Variants in AGAP1 observed in about 807,000 individuals in gnomAD.
The protein encoded by AGAP1 is arf-GAP with GTPase, ANK repeat and PH domain-containing protein 1.
Under a neutral mutation model 105.3 loss-of-function variants are expected in AGAP1, and 29 were observed. That is an observed-to-expected ratio of 0.28 (90% confidence interval 0.21 to 0.38). AGAP1 has a LOEUF of 0.38. AGAP1 is among the 10% of genes least tolerant of loss of function. The pLI, the probability that AGAP1 is intolerant of heterozygous loss-of-function variation, is 1.00. For synonymous variants in AGAP1, 509 were observed against 485.9 expected, an observed-to-expected ratio of 1.05 and a Z score of -0.63; for missense variants, 998 against 1,165.1, an observed-to-expected ratio of 0.86 and a Z score of 2.09.
intron 13 of AGAP1, among the ~76,000 whole-genome samples, chr2:236,025,754 A>C (rs1327136580): frequency 6.6e-6 from 1 of 151,962 alleles, no homozygotes; most frequent in Non-Finnish European, 1.5e-5. Context: ...AAAAAAGGAG[A>C]CGCTGGGCGT....
intron 10 of AGAP1, among the ~76,000 whole-genome samples, chr2:235,902,880 G>C (rs1057151973): frequency 1.3e-5 from 2 of 152,130 alleles, no homozygotes; most frequent in Admixed American, 1.3e-4. Flanking sequence ...TTTAAAAATC[G>C]GTAGCACTTC....
At position 235,936,467 on chromosome 2, in the gene AGAP1, G is replaced by A. The variant is rs542249448; in HGVS notation, c.1483+5544G>A. ...TTCTCATTATAAAAATGTTTTGCACGTCGATTTTGATGATGGGGGTTCGAA... is the reference window on the plus strand; with the variant it reads ...TTCTCATTATAAAAATGTTTTGCACATCGATTTTGATGATGGGGGTTCGAA... On this transcript the variant is annotated intron_variant, in intron 12 of 17. Coordinates refer to ENST00000304032, the MANE Select transcript of AGAP1 (RefSeq NM_001037131.3). This position sits in a 1 kb window ranked among gnomAD's most constrained non-coding sequence, Gnocchi z 4.7. Among the ~76,000 whole-genome samples, 13 of 152,244 alleles carry A rather than the reference G, an allele frequency of 8.5e-5. No homozygotes were observed. The South Asian group carries it at 1.7e-3, about 19-fold the overall frequency.
chr2:235,994,556 G>T lies in AGAP1; in HGVS notation c.1645+25933G>T, dbSNP rs1471764761. On this transcript the variant is annotated intron_variant, in intron 13 of 17. Transcript: ENST00000304032. The surrounding 1 kb of genome is among the most constrained non-coding windows in gnomAD (Gnocchi z 4.4). ...CGTCATAGTGGGGACACACTGAGAG[G>T]TTACTTTCTACCAAACTGTTTCCTA... Among the ~76,000 whole-genome samples, 1 of 152,066 alleles carries T rather than the reference G, an allele frequency of 6.6e-6. No homozygotes were observed. Among genetic ancestry groups the T allele is most frequent in the Non-Finnish European group, 1.5e-5 (1 of 68,002 alleles).
chr2:235,713,068 G>A (rs1030135262), intron 2 of AGAP1, among the ~76,000 whole-genome samples: 3 of 152,208 alleles, frequency 2.0e-5, no homozygotes, highest in Non-Finnish European at 4.4e-5. Context: ...GAACTTAGGG[G>A]AGAGCTTAAT....
rs1957392042 is a variant in AGAP1, at chr2:235,799,466, G to A, written c.901G>A (p.Ala301Thr). 3.1e-6 allele frequency: 5 copies of A among 1,614,038 alleles called. No individual in the cohort carries two copies. The highest frequency in any genetic ancestry group is 2.5e-6 in the Non-Finnish European group (3 of 1,180,034). ...KELRIDVPPTANTPTPVRKQS... is the reference protein window; with the variant it reads ...KELRIDVPPTTNTPTPVRKQS... ...ACTTCGGATCGATGTTCCTCCCACTGCCAACACGCCCACGCCCGTTCGCAA... is the reference window on the plus strand; with the variant it reads ...ACTTCGGATCGATGTTCCTCCCACTACCAACACGCCCACGCCCGTTCGCAA... Residue 301 changes from alanine to threonine, a missense_variant, in exon 8 of 18, where the codon GCC becomes ACC. This residue lies in a region of AGAP1 where 735 missense variants were observed against 833.4 expected (regional missense o/e 0.88). Transcript: ENST00000304032. This position sits in a 1 kb window ranked among gnomAD's most constrained non-coding sequence, Gnocchi z 5.0.
At chr2:235,672,429 T>C (rs548327173) in intron 1 of AGAP1, among the ~76,000 whole-genome samples, 7 of 152,386 alleles carry the variant, frequency 4.6e-5, no homozygotes, top group South Asian at 2.1e-4. Context: ...GCCACACTTA[T>C]GTTTAGCTTG....
In AGAP1 at chr2:236,036,810, G is replaced by A. The variant is rs867017293; in HGVS notation, c.1800+95G>A. ...CCAGGGAGGAGAAAATAGAGGACCA[G>A]TGTGAATGACAGGACCTAGCTATTC... is the stretch of plus-strand genomic sequence containing the variant. On this transcript the variant is annotated intron_variant, in intron 14 of 17. Transcript: ENST00000304032. The surrounding 1 kb of genome is among the most constrained non-coding windows in gnomAD (Gnocchi z 5.7). 2.0e-6 allele frequency: 3 copies of A among 1,531,172 alleles called. No individual in the cohort carries two copies. Among genetic ancestry groups the A allele is most frequent in the Non-Finnish European group, 1.7e-6 (2 of 1,142,900 alleles). 94.8% of individuals were successfully genotyped at this position (1,531,172 alleles called of 1,614,324 possible).
At chr2:235,804,401 C>T (rs1244030725) in intron 8 of AGAP1, among the ~76,000 whole-genome samples, 5 of 152,164 alleles carry the variant, frequency 3.3e-5, no homozygotes, top group Admixed American at 3.3e-4. Flanking sequence ...AGAAACTTGC[C>T]ATAAAAAAAT....
intron 1 of AGAP1, among the ~76,000 whole-genome samples, chr2:235,575,602 G>T (rs1031675484): frequency 2.6e-5 from 4 of 152,238 alleles, no homozygotes; most frequent in African/African-American, 9.6e-5. Flanking sequence ...GGGTGGCCAG[G>T]TGTTTGACAC....
rs1170095677 is a variant in AGAP1 at position 235,814,049 on chromosome 2, C to T, written c.1050+6718C>T. On this transcript the variant is annotated intron_variant, in intron 9 of 17. Transcript: ENST00000304032. ...TCTTCTGCCGGTGTGCTTCTCTCGA[C>T]GCCCAGCCGCCTGTGTGTGTGCCCA... 4.6e-5 allele frequency among the ~76,000 whole-genome samples: 7 copies of T among 152,170 alleles called. No individual in the cohort carries two copies. The South Asian group carries it at 6.2e-4, about 14-fold the overall frequency.
chr2:235,795,468 GCTC>G (rs1225576243), intron 6 of AGAP1, among the ~76,000 whole-genome samples: 6 of 152,086 alleles, frequency 3.9e-5, no homozygotes, highest in African/African-American at 1.4e-4. Context: ...TCATGCTCCC[GCTC>G]CTCCTCCTGA....
At chr2:236,065,621 G>A (rs556002807) in intron 16 of AGAP1, among the ~76,000 whole-genome samples, 3 of 152,332 alleles carry the variant, frequency 2.0e-5, no homozygotes, top group South Asian at 4.1e-4. Flanking sequence ...GCTTTTAAAT[G>A]TGCATATTTA....
chr2:235,596,895 G>C lies in AGAP1; in HGVS notation c.163+102046G>C, dbSNP rs531780667. Among the ~76,000 whole-genome samples the C allele has an allele frequency of 1.8e-4, 27 of 152,288 alleles. No individual in the cohort carries two copies. Among genetic ancestry groups the C allele is most frequent in the Admixed American group, 3.9e-4 (6 of 15,310 alleles). On this transcript the variant is annotated intron_variant, in intron 1 of 17. Transcript: ENST00000304032. This position sits in a 1 kb window ranked among gnomAD's most constrained non-coding sequence, Gnocchi z 5.9. ...GTGGTGGCACGAATGCCCCTCAGGA[G>C]CGCTTGCTCTGTACCCTATGAGGAC...
chr2:235,914,174 T>G (rs1307522821), intron 11 of AGAP1, among the ~76,000 whole-genome samples: 2 of 152,228 alleles, frequency 1.3e-5, no homozygotes, highest in African/African-American at 4.8e-5. Context: ...TACTGGATGT[T>G]TCTGTTGATT....
rs569630353 is a variant in AGAP1, at chr2:235,716,501, C to A, written c.223-1056C>A. The stretch of plus-strand genomic sequence containing the variant: ...GTCAACAAGTGGAACCGAGAGCAAG[C>A]GGGGTGAGTCCCAGCTCAGGGAATG... On this transcript the variant is annotated intron_variant, in intron 2 of 17. Coordinates refer to ENST00000304032, the MANE Select transcript of AGAP1 (RefSeq NM_001037131.3). The surrounding 1 kb of genome is among the most constrained non-coding windows in gnomAD (Gnocchi z 4.0). Among the ~76,000 whole-genome samples the A allele has an allele frequency of 3.3e-5, 5 of 152,158 alleles. No homozygotes were observed. The East Asian group carries it at 7.7e-4, about 24-fold the overall frequency.
At chr2:235,892,349 T>C (rs2050584482) in intron 10 of AGAP1, among the ~76,000 whole-genome samples, 1 of 152,162 alleles carries the variant, frequency 6.6e-6, no homozygotes, top group South Asian at 2.1e-4. Context: ...TGGCTTGGAC[T>C]CTCCTGCAAC....
rs1390131298 is a variant in AGAP1 at position 235,971,546 on chromosome 2, A to G, written c.1645+2923A>G. ...AAACCCCGTCTCTACTAAAAATACA[A>G]AAATTAGCTGGGCATGGTGGCAGGT... On this transcript the variant is annotated intron_variant, in intron 13 of 17. Transcript: ENST00000304032. The surrounding 1 kb of genome is among the most constrained non-coding windows in gnomAD (Gnocchi z 4.8). Among the ~76,000 whole-genome samples the G allele has an allele frequency of 6.6e-6, 1 of 152,004 alleles. No individual in the cohort carries two copies.
chr2:235,757,931 C>G (rs1003081329), intron 6 of AGAP1, among the ~76,000 whole-genome samples: 1 of 151,998 alleles, frequency 6.6e-6, no homozygotes, highest in Non-Finnish European at 1.5e-5. Flanking sequence ...TGGGCCTCTT[C>G]TCCTGGGTCC....
At chr2:235,649,499 G>T (rs966682969) in intron 1 of AGAP1, among the ~76,000 whole-genome samples, 1 of 152,060 alleles carries the variant, frequency 6.6e-6, no homozygotes, top group Non-Finnish European at 1.5e-5. Flanking sequence ...CCAGCCTTCC[G>T]AATAACTGAG....
Sources: gnomAD v4.1 joint callset for allele counts (sites outside exome capture counted in the v4.1 genomes callset) on GRCh38, gnomAD v4.1.1 for gene constraint, gnomAD v4.1.1 regional missense constraint, Gnocchi (gnomAD v3.1) non-coding constraint, MANE v1.5 for transcripts, NCBI Gene and HGNC (gene_info 2026-07-23, HGNC 2026-07-21) for gene names.